The following NRXN1 variants were observed in gnomAD, a reference collection of about 807,000 sequenced individuals.
NRXN1 encodes neurexin 1, also known as neurexin-1.
A neutral mutation model predicts 150.9 loss-of-function variants in NRXN1; 39 were observed. The ratio of observed to expected loss-of-function variants is 0.26; its 90% CI spans 0.20 to 0.34. The LOEUF (loss-of-function observed/expected upper bound fraction) is 0.34, where lower values mean the gene tolerates loss of function less well. Ranked by LOEUF, NRXN1 falls within the 10% of genes least tolerant of loss-of-function variation. The pLI is 1.00. For synonymous variants in NRXN1, 924 were observed against 757.0 expected, an observed-to-expected ratio of 1.22 and a Z score of -3.62; for missense variants, 1,815 against 1,949.9, an observed-to-expected ratio of 0.93 and a Z score of 1.30.
chr2:50,249,353 TA>T, intron 17 of NRXN1, among the ~76,000 whole-genome samples: 1 of 152,042 alleles, frequency 6.6e-6, no homozygotes, highest in Non-Finnish European at 1.5e-5. Flanking sequence ...GGAAAAACTC[TA>T]ACTCAAATTA....
chr2:50,562,143 T>C (rs1431621937), intron 8 of NRXN1, among the ~76,000 whole-genome samples: 2 of 152,178 alleles, frequency 1.3e-5, no homozygotes, highest in African/African-American at 2.4e-5. Flanking sequence ...CACTAAATGA[T>C]GTGTCTAGAT....
At chr2:50,683,372 C>A (rs1301305658) in intron 5 of NRXN1, among the ~76,000 whole-genome samples, 4 of 151,018 alleles carry the variant, frequency 2.6e-5, no homozygotes, top group Non-Finnish European at 5.9e-5. Context: ...GTGGCTTAAG[C>A]CTGTAATTCC....
At chr2:50,770,866 T>G (rs1188486764) in intron 5 of NRXN1, among the ~76,000 whole-genome samples, 1 of 152,086 alleles carries the variant, frequency 6.6e-6, no homozygotes, top group Non-Finnish European at 1.5e-5. Flanking sequence ...TTAAAGGGAC[T>G]ATTTTTCCAT....
intron 5 of NRXN1, among the ~76,000 whole-genome samples, chr2:50,636,942 T>C (rs1683315668): frequency 6.6e-6 from 1 of 152,126 alleles, no homozygotes; most frequent in Admixed American, 6.6e-5. Context: ...AAGTCTTAAT[T>C]TGAGATTATA....
chr2:50,250,973 T>TGGCA (rs1394645284), intron 17 of NRXN1, among the ~76,000 whole-genome samples: 6 of 150,046 alleles, frequency 4.0e-5, no homozygotes, highest in African/African-American at 1.5e-4. Flanking sequence ...TTATTACACA[T>TGGCA]TGCATATGTA....
chr2:50,743,714 T>G (rs1699705152), intron 5 of NRXN1, among the ~76,000 whole-genome samples: 1 of 152,214 alleles, frequency 6.6e-6, no homozygotes, highest in Non-Finnish European at 1.5e-5. Context: ...CAGTCCCATC[T>G]TCTCCTTTTC....
chr2:50,381,082 A>G (rs2103664948), intron 17 of NRXN1, among the ~76,000 whole-genome samples: 1 of 152,248 alleles, frequency 6.6e-6, no homozygotes, highest in Non-Finnish European at 1.5e-5. Flanking sequence ...CCCAGCACCC[A>G]GCATAATATC....
intron 18 of NRXN1, among the ~76,000 whole-genome samples, chr2:50,192,725 G>C (rs542707649): frequency 1.7e-4 from 26 of 152,188 alleles, no homozygotes; most frequent in African/African-American, 6.0e-4. Flanking sequence ...TTGTGCCTCA[G>C]CCTCCTGAGT....
intron 17 of NRXN1, among the ~76,000 whole-genome samples, chr2:50,309,203 T>A (rs2074945703): frequency 6.6e-6 from 1 of 152,222 alleles, no homozygotes; most frequent in Non-Finnish European, 1.5e-5. Context: ...TCAGTTATCA[T>A]TTGAAACTCA....
chr2:50,527,318 T>TA (rs1397232873), intron 12 of NRXN1, among the ~76,000 whole-genome samples: 2 of 152,142 alleles, frequency 1.3e-5, no homozygotes, highest in Non-Finnish European at 2.9e-5. Flanking sequence ...GACCTGGTAT[T>TA]AGATGTGCAA....
chr2:50,936,385 T>C (rs192787579), intron 2 of NRXN1, among the ~76,000 whole-genome samples: 8 of 152,284 alleles, frequency 5.3e-5, no homozygotes, highest in East Asian at 3.9e-4. Context: ...TTATATCTTG[T>C]ACTACTAGAG....
At chr2:50,079,875 A>G (rs1697681436) in intron 19 of NRXN1, among the ~76,000 whole-genome samples, 1 of 152,282 alleles carries the variant, frequency 6.6e-6, no homozygotes, top group South Asian at 2.1e-4. Flanking sequence ...GAACGGTAAT[A>G]TGGTAGTCTC....
intron 5 of NRXN1, among the ~76,000 whole-genome samples, chr2:50,800,772 A>G (rs1032973340): frequency 2.0e-5 from 3 of 151,804 alleles, no homozygotes; most frequent in African/African-American, 7.3e-5. Context: ...CTGTTCTCGA[A>G]CTCCTGACTT....
chr2:51,017,723 A>G (rs1442974971), intron 2 of NRXN1, among the ~76,000 whole-genome samples: 2 of 151,828 alleles, frequency 1.3e-5, no homozygotes, highest in East Asian at 1.9e-4. Flanking sequence ...GTGAAATACA[A>G]TATGTAACTT....
At chr2:50,649,452 G>C (rs1010924999) in intron 5 of NRXN1, among the ~76,000 whole-genome samples, 1 of 151,988 alleles carries the variant, frequency 6.6e-6, no homozygotes, top group African/African-American at 2.4e-5. Flanking sequence ...AACTTCACTA[G>C]GGGAGGTGCA....
chr2:50,364,440 G>A (rs1157695502), intron 17 of NRXN1, among the ~76,000 whole-genome samples: 1 of 152,124 alleles, frequency 6.6e-6, no homozygotes, highest in Admixed American at 6.5e-5. Context: ...TGGAGCATGT[G>A]TGATCCCATT....
At chr2:50,408,561 A>G (rs1038280896) in intron 17 of NRXN1, among the ~76,000 whole-genome samples, 1 of 152,186 alleles carries the variant, frequency 6.6e-6, no homozygotes, top group Non-Finnish European at 1.5e-5. Flanking sequence ...AAAGAATGAC[A>G]TGATGTAGCA....
chr2:50,788,098 C>CTT (rs35777257), intron 5 of NRXN1, among the ~76,000 whole-genome samples: 2 of 144,756 alleles, frequency 1.4e-5, no homozygotes, highest in Non-Finnish European at 1.5e-5. Context: ...CCCTCGCCAC[C>CTT]TTTTTTTTTT....
chr2:50,393,309 T>C (rs2081858685), intron 17 of NRXN1, among the ~76,000 whole-genome samples: 1 of 152,150 alleles, frequency 6.6e-6, no homozygotes, highest in East Asian at 1.9e-4. Flanking sequence ...CAATCGCCTC[T>C]TTAGACAAAG....
Sources: allele counts gnomAD v4.1 joint callset (sites outside exome capture counted in the v4.1 genomes callset), GRCh38; gene constraint gnomAD v4.1.1; transcripts MANE v1.5; gene names NCBI Gene and HGNC (gene_info 2026-07-23, HGNC 2026-07-21).